RSL24D1: variants seen among roughly 807,000 people sequenced by gnomAD.
RSL24D1 encodes the protein ribosomal L24 domain containing 1, also known as probable ribosome biogenesis protein RLP24.
RSL24D1 carries 6 observed loss-of-function variants against 26.2 expected under a neutral mutation model. The ratio of observed to expected loss-of-function variants is 0.23; its 90% CI spans 0.13 to 0.45. The LOEUF is 0.45. Among genes scored for constraint, RSL24D1 ranks in the 20% least tolerant of loss-of-function variants. RSL24D1 has a pLI of 0.99. For missense variants in RSL24D1, 176 were observed against 202.6 expected (o/e 0.87, Z 0.80); for synonymous variants, 61 against 59.1 (o/e 1.03, Z -0.15).
At chr15:55,187,023 A>C (rs1462830012) in intron 3 of RSL24D1, among the ~76,000 whole-genome samples, 1 of 152,180 alleles carries the variant, frequency 6.6e-6, no homozygotes, top group Non-Finnish European at 1.5e-5. Context: ...AATTAGGTCA[A>C]AATAAAAACT....
intron 5 of RSL24D1, 118 bp downstream of exon 5, chr15:55,183,197 G>A (rs8035625): frequency 0.15 from 102,136 of 683,214 alleles, 8,292 homozygotes; most frequent in African/African-American, 0.27. Context: ...ATTTTTATAG[G>A]CCAAATCATA....
rs1894171105 is a variant in RSL24D1 at position 55,181,914 on chromosome 15, T to C, written c.*238A>G. On this transcript the variant is annotated 3_prime_UTR_variant, in exon 6 of 6. Coordinates refer to ENST00000260443, the MANE Select transcript of RSL24D1 (RefSeq NM_016304.3). ...CCATTTTACGTCCACAATTCACTTCTATAGTTACAAGTAGAATTTTCATGA... is the reference window on the plus strand; with the variant it reads ...CCATTTTACGTCCACAATTCACTTCCATAGTTACAAGTAGAATTTTCATGA... 7.0e-6 allele frequency: 3 copies of C among 426,160 alleles called. No homozygotes were observed. Among genetic ancestry groups the C allele is most frequent in the Non-Finnish European group, 1.3e-5 (3 of 237,926 alleles). 26.4% of individuals were successfully genotyped at this position (426,160 alleles called of 1,614,324 possible).
intron 3 of RSL24D1, 143 bp downstream of exon 3, chr15:55,190,832 C>G (rs1026949201): frequency 7.9e-6 from 5 of 630,722 alleles, no homozygotes; most frequent in Non-Finnish European, 1.1e-5. Flanking sequence ...ACAACAGAAC[C>G]ATTAAAATGA....
rs912108229 is a variant in RSL24D1 at position 55,194,803 on chromosome 15, T to C, written c.82-1970A>G. 1.6e-4 allele frequency among the ~76,000 whole-genome samples: 24 copies of C among 147,106 alleles called. No individual in the cohort carries two copies. In the South Asian group the frequency reaches 4.4e-3, roughly 27 times the overall value. On this transcript the variant is annotated intron_variant, in intron 1 of 5. Transcript: ENST00000260443. ...GGGAAACATAGCAAGCCTCTGTCTC[T>C]ACACACACACACACACACACACACA...
At chr15:55,196,329 C>T (rs557993371) in intron 1 of RSL24D1, 161 of 456,662 alleles carry the variant, frequency 3.5e-4, no homozygotes, top group Non-Finnish European at 6.6e-4. Context: ...TGAGTCTTTC[C>T]GTACAGGACC....
At chr15:55,193,936 T>A (rs566354896) in intron 1 of RSL24D1, among the ~76,000 whole-genome samples, 1 of 152,262 alleles carries the variant, frequency 6.6e-6, no homozygotes, top group East Asian at 1.9e-4. Flanking sequence ...TATATGAAAA[T>A]CATTGTGAAA....
intron 1 of RSL24D1, 168 bp downstream of exon 1, chr15:55,196,642 C>T (rs1438038896): frequency 4.7e-6 from 3 of 641,556 alleles, no homozygotes; most frequent in South Asian, 3.8e-5. Context: ...GGAGAAACCC[C>T]CGAAGCGGAA....
At chr15:55,194,598 A>G (rs1894334155) in intron 1 of RSL24D1, among the ~76,000 whole-genome samples, 1 of 152,154 alleles carries the variant, frequency 6.6e-6, no homozygotes, top group Non-Finnish European at 1.5e-5. Context: ...CTAATTCAAC[A>G]TTTATTAAGC....
chr15:55,184,107 G>A (rs1894199006), intron 4 of RSL24D1, among the ~76,000 whole-genome samples: 1 of 152,168 alleles, frequency 6.6e-6, no homozygotes, highest in South Asian at 2.1e-4. Flanking sequence ...AAATTTTTAA[G>A]CCAGAAAGCT....
intron 4 of RSL24D1, 46 bp downstream of exon 4, chr15:55,185,316 T>C: frequency 1.4e-6 from 2 of 1,418,788 alleles, no homozygotes; most frequent in Non-Finnish European, 1.9e-6. Context: ...TCTAAATATC[T>C]ACTAGTAATT....
chr15:55,184,811 C>T (rs919914941), intron 4 of RSL24D1, among the ~76,000 whole-genome samples: 16 of 152,154 alleles, frequency 1.1e-4, no homozygotes. Context: ...TGAGACATCC[C>T]TGCCAAAGGT....
intron 4 of RSL24D1, among the ~76,000 whole-genome samples, chr15:55,183,672 T>C (rs1448425573): frequency 5.9e-5 from 9 of 152,162 alleles, no homozygotes; most frequent in African/African-American, 1.9e-4. Flanking sequence ...AAGAGATATA[T>C]ACCTTACATT....
At chr15:55,190,709 A>G (rs117520756) in intron 3 of RSL24D1, among the ~76,000 whole-genome samples, 2,502 of 152,168 alleles carry the variant, frequency 0.016, 37 homozygotes, top group Middle Eastern at 0.041. Flanking sequence ...AGCCATTTTT[A>G]TGTTTTTACA....
intron 3 of RSL24D1, among the ~76,000 whole-genome samples, chr15:55,189,533 G>A (rs1025740709): frequency 8.5e-5 from 13 of 152,138 alleles, no homozygotes; most frequent in Non-Finnish European, 1.6e-4. Context: ...CAAAGCTTTA[G>A]AACAAGCTTG....
At chr15:55,192,676 C>G (rs766280663) in intron 2 of RSL24D1, 44 bp downstream of exon 2, 3 of 1,386,748 alleles carry the variant, frequency 2.2e-6, no homozygotes, top group South Asian at 2.3e-5. Flanking sequence ...AATACTAAAA[C>G]TGTGAAACGT....
chr15:55,191,140 A>C, intron 2 of RSL24D1, 93 bp from the exon 3 acceptor site: 1 of 859,212 alleles, frequency 1.2e-6, no homozygotes, highest in Non-Finnish European at 1.8e-6. Flanking sequence ...TAAGTGTTCT[A>C]AATGAACATA....
intron 5 of RSL24D1, 152 bp from the exon 6 acceptor site, chr15:55,182,377 G>A (rs995988605): frequency 1.7e-6 from 1 of 591,714 alleles, no homozygotes; most frequent in South Asian, 2.3e-5. Context: ...TAGGTCTTAT[G>A]ATATGCCATG....
At chr15:55,189,209 A>AG (rs1555389866) in intron 3 of RSL24D1, among the ~76,000 whole-genome samples, 28 of 151,384 alleles carry the variant, frequency 1.8e-4, no homozygotes, top group African/African-American at 3.2e-4. Context: ...AAAAAAAAAA[A>AG]AAAAGAAATG....
At chr15:55,183,462 T>C in intron 4 of RSL24D1, 62 bp from the exon 5 acceptor site, 1 of 1,147,116 alleles carries the variant, frequency 8.7e-7, no homozygotes. Context: ...GAGGCATCAA[T>C]TCACAATACA....
Sources: allele counts gnomAD v4.1 joint callset (sites outside exome capture counted in the v4.1 genomes callset), GRCh38; gene constraint gnomAD v4.1.1; transcripts MANE v1.5; gene names NCBI Gene and HGNC (gene_info 2026-07-23, HGNC 2026-07-21).